PLG: variants seen among roughly 807,000 people sequenced by gnomAD.
PLG encodes plasminogen, also known as plasmin.
PLG carries 41 observed loss-of-function variants against 104.4 expected under a neutral mutation model. That is an observed-to-expected ratio of 0.39 (90% CI 0.31 to 0.51). The LOEUF (loss-of-function observed/expected upper bound fraction) is 0.51, where lower values mean the gene tolerates loss of function less well. PLG is among the 20% of genes least tolerant of loss of function. PLG has a pLI of 0.76. For synonymous variants in PLG, 337 were observed against 357.1 expected, an observed-to-expected ratio of 0.94 and a Z score of 0.63; for missense variants, 891 against 1,003.6, an observed-to-expected ratio of 0.89 and a Z score of 1.52.
chr6:160,722,633 G>A (rs1289812582), intron 10 of PLG, 66 bp downstream of exon 10: 4 of 1,447,864 alleles, frequency 2.8e-6, no homozygotes, highest in Admixed American at 1.7e-5. Context: ...AAAGAGCCAT[G>A]CTTCATGCTT....
Position 160,726,501 on chromosome 6 carries a change from G to A in PLG, c.1256+3934G>A, listed in dbSNP as rs1173166859. On this transcript the variant is annotated intron_variant, in intron 10 of 18. Transcript: ENST00000308192. This position sits in a 1 kb window ranked among gnomAD's most constrained non-coding sequence, Gnocchi z 4.4. ...ATGTAAAAATCAATGACTTAAGATGGCATTTCTCAAAGTATGCTCTGGAGA... is the reference window on the plus strand; with the variant it reads ...ATGTAAAAATCAATGACTTAAGATGACATTTCTCAAAGTATGCTCTGGAGA... Among the ~76,000 whole-genome samples, 1 of 151,842 alleles carries A rather than the reference G, an allele frequency of 6.6e-6. No individual in the cohort carries two copies. The highest frequency in any genetic ancestry group is 1.5e-5 in the Non-Finnish European group (1 of 67,856).
rs1223568648 is a variant in PLG, at chr6:160,722,442, C to T, written c.1131C>T (p.Cys377=). The T allele has an allele frequency of 2.5e-6, 4 of 1,612,624 alleles. No individual in the cohort carries two copies. Among genetic ancestry groups the T allele is most frequent in the Middle Eastern group, 1.7e-4 (1 of 6,060 alleles). The part of the protein sequence containing the change: ...PPELTPVVQD[C]YHGDGQSYRG... ...AGCTAACCCCTGTGGTCCAGGACTGCTACCATGGTGATGGACAGAGCTACC... is the reference window on the plus strand; with the variant it reads ...AGCTAACCCCTGTGGTCCAGGACTGTTACCATGGTGATGGACAGAGCTACC... Residue 377 remains cysteine, a synonymous_variant, in exon 10 of 19, where the codon TGC becomes TGT. Transcript: ENST00000308192.
In PLG at chr6:160,734,181, G is replaced by A. The variant is rs1408050502; in HGVS notation, c.1681+93G>A. ...GGCTTCTGAGCAGACTGCTTCTGGG[G>A]AGGAGATAGCTGCCCTCTCCATCAG... On this transcript the variant is annotated intron_variant, in intron 13 of 18. Coordinates refer to ENST00000308192, the MANE Select transcript of PLG (RefSeq NM_000301.5). This position sits in a 1 kb window ranked among gnomAD's most constrained non-coding sequence, Gnocchi z 4.4. The A allele has an allele frequency of 9.6e-6, 7 of 727,060 alleles. No individual in the cohort carries two copies. The highest frequency in any genetic ancestry group is 7.0e-5 in the African/African-American group (4 of 57,300). The allele number at this position is 727,060 out of a possible 1,614,324, so 45.0% of individuals were successfully genotyped here. A position where few individuals can be genotyped will look rare whatever the true frequency, so the allele number is the denominator to read the frequency against.
Position 160,736,995 on chromosome 6 carries a change from G to A in PLG, c.1790G>A (p.Ser597Asn). The A allele has an allele frequency of 6.2e-7, 1 of 1,613,462 alleles. No individual in the cohort carries two copies. The highest frequency in any genetic ancestry group is 1.1e-5 in the South Asian group (1 of 91,060). Residue 597 changes from serine to asparagine, a missense_variant, in exon 14 of 19, where the codon AGT (serine) becomes AAT (asparagine). Physicochemically the swap from Ser to Asn is conservative, Grantham distance 46. Transcript: ENST00000308192. The surrounding 1 kb of genome is among the most constrained non-coding windows in gnomAD (Gnocchi z 5.2). Reference protein sequence around the residue: ...AHPHSWPWQVSLRTRFGMHFC... With the variant: ...AHPHSWPWQVNLRTRFGMHFC... ...CCACATTCCTGGCCCTGGCAAGTCA[G>A]TCTTAGAACAAGGTAAGAACAGGCC...
Position 160,748,447 on chromosome 6 carries a change from G to A in PLG, c.2126-3668G>A, listed in dbSNP as rs1778332352. ...GAAAGAGAACGAAAGAAAGAAGGGA[G>A]GGAGGGAGGGAGGGAGGGAGGGAGG... is the stretch of plus-strand genomic sequence containing the variant. On this transcript the variant is annotated intron_variant, in intron 17 of 18. Coordinates refer to ENST00000308192, the MANE Select transcript of PLG (RefSeq NM_000301.5). Among the ~76,000 whole-genome samples, 33 of 36,036 alleles carry A rather than the reference G, an allele frequency of 9.2e-4. 10 individuals carry two copies. The East Asian group carries it at 0.027, about 29-fold the overall frequency. 23.6% of individuals were successfully genotyped at this position (36,036 alleles called of 152,430 possible).
intron 4 of PLG, chr6:160,711,873 G>T: frequency 7.2e-7 from 1 of 1,380,708 alleles, no homozygotes; most frequent in Admixed American, 3.4e-5. Flanking sequence ...TGAAAATGAA[G>T]ATACGTGAAA....
rs1778244911 is a variant in PLG, at chr6:160,744,321, C to T, written c.2125+2904C>T. On this transcript the variant is annotated intron_variant, in intron 17 of 18. Transcript: ENST00000308192. This position sits in a 1 kb window ranked among gnomAD's most constrained non-coding sequence, Gnocchi z 4.5. ...TTGTTGGTTAGTAGGCTATTTATTA[C>T]TGATTCAATTTTGGAGCTCATTATT... Among the ~76,000 whole-genome samples the T allele has an allele frequency of 6.6e-6, 1 of 152,088 alleles. No individual in the cohort carries two copies. Among genetic ancestry groups the T allele is most frequent in the Non-Finnish European group, 1.5e-5 (1 of 68,000 alleles).
At chr6:160,743,243 C>T (rs1346730802) in intron 17 of PLG, among the ~76,000 whole-genome samples, 1 of 152,140 alleles carries the variant, frequency 6.6e-6, no homozygotes, top group Non-Finnish European at 1.5e-5. Flanking sequence ...CTGTAAATTA[C>T]TTTGGGCAGT....
In PLG at chr6:160,752,557, C is replaced by T. The variant is rs1031548156; in HGVS notation, c.2271+297C>T. On this transcript the variant is annotated intron_variant, in intron 18 of 18. Transcript: ENST00000308192. The surrounding 1 kb of genome is among the most constrained non-coding windows in gnomAD (Gnocchi z 4.7). ...CCAGGGACTAAAGTGGTGACTTTTC[C>T]GGTAGGGAAGGAGGTAGAGGATACA... Among the ~76,000 whole-genome samples, 11 of 152,052 alleles carry T rather than the reference C, an allele frequency of 7.2e-5. No homozygotes were observed. The highest frequency in any genetic ancestry group is 1.7e-4 in the African/African-American group (7 of 41,390).
intron 4 of PLG, chr6:160,712,371 T>C (rs1278599507): frequency 1.3e-5 from 2 of 156,554 alleles, no homozygotes; most frequent in Admixed American, 6.2e-5. Context: ...CCATCCCCAA[T>C]AATTCAAGCT....
chr6:160,705,478 A>G (rs1198205978), intron 1 of PLG: 3 of 152,192 alleles, frequency 2.0e-5, no homozygotes, highest in Non-Finnish European at 4.4e-5. Context: ...ACCTGTCAAC[A>G]CCTTGGAAAA....
rs1778065103 is a variant in PLG, at chr6:160,735,076, T to C, written c.1681+988T>C. Reference sequence around the variant, plus strand: ...GGAGGAAGGAGGGGTTAGGATGGTATGAAAGATTCTACTTGGCCAATATTA... The same window carrying C: ...GGAGGAAGGAGGGGTTAGGATGGTACGAAAGATTCTACTTGGCCAATATTA... On this transcript the variant is annotated intron_variant, in intron 13 of 18. Transcript: ENST00000308192. This position sits in a 1 kb window ranked among gnomAD's most constrained non-coding sequence, Gnocchi z 5.4. Among the ~76,000 whole-genome samples the C allele has an allele frequency of 6.6e-6, 1 of 152,266 alleles. No individual in the cohort carries two copies. Among genetic ancestry groups the C allele is most frequent in the South Asian group, 2.1e-4 (1 of 4,820 alleles).
In PLG at chr6:160,744,206, G is replaced by GT. The variant is rs2115183739; in HGVS notation, c.2125+2796dup. Among the ~76,000 whole-genome samples, 1 of 152,184 alleles carries GT rather than the reference G, an allele frequency of 6.6e-6. No homozygotes were observed. Among genetic ancestry groups the GT allele is most frequent in the East Asian group, 1.9e-4 (1 of 5,188 alleles). Reference sequence around the variant, plus strand: ...ATTGGAGAGGAGACCCTCCTCCTCAGTTTTTTTGAACGGTTTCAGTAGGAA... The same window carrying GT: ...ATTGGAGAGGAGACCCTCCTCCTCAGTTTTTTTTGAACGGTTTCAGTAGGAA... On this transcript the variant is annotated intron_variant, in intron 17 of 18. Transcript: ENST00000308192. The surrounding 1 kb of genome is among the most constrained non-coding windows in gnomAD (Gnocchi z 4.5).
intron 17 of PLG, among the ~76,000 whole-genome samples, chr6:160,746,367 G>C (rs911750495): frequency 7.9e-5 from 12 of 152,002 alleles, no homozygotes; most frequent in African/African-American, 2.9e-4. Context: ...TCTTATTTCA[G>C]AAAGCCAGTC....
chr6:160,731,338 GT>G lies in PLG; in HGVS notation c.1438+111del. On this transcript the variant is annotated intron_variant, in intron 11 of 18. Coordinates refer to ENST00000308192, the MANE Select transcript of PLG (RefSeq NM_000301.5). This position sits in a 1 kb window ranked among gnomAD's most constrained non-coding sequence, Gnocchi z 5.1. ...TTCCATGCTACACGAGAAATCAAGT[GT>G]TTTTAGAGGGTCTGCCATGTGGAAG... is the stretch of plus-strand genomic sequence containing the variant. 3.9e-6 allele frequency: 4 copies of G among 1,034,324 alleles called. No individual in the cohort carries two copies. Among genetic ancestry groups the G allele is most frequent in the Non-Finnish European group, 6.0e-6 (4 of 671,090 alleles). 64.1% of individuals were successfully genotyped at this position (1,034,324 alleles called of 1,614,324 possible).
intron 1 of PLG, chr6:160,706,134 A>C: frequency 2.1e-6 from 1 of 487,424 alleles, no homozygotes. Flanking sequence ...CTAAATACCT[A>C]CTAAATAGGT....
At position 160,744,510 on chromosome 6, in the gene PLG, C is replaced by T. The variant is rs989847679; in HGVS notation, c.2125+3093C>T. 2.0e-5 allele frequency among the ~76,000 whole-genome samples: 3 copies of T among 152,072 alleles called. No individual in the cohort carries two copies. Among genetic ancestry groups the T allele is most frequent in the African/African-American group, 7.2e-5 (3 of 41,418 alleles). ...TTTGTGGCATCAGTGCTAACATCCC[C>T]TTTGTCATTTCTAATTGTGTTTATT... is the stretch of plus-strand genomic sequence containing the variant. On this transcript the variant is annotated intron_variant, in intron 17 of 18. Transcript: ENST00000308192. The surrounding 1 kb of genome is among the most constrained non-coding windows in gnomAD (Gnocchi z 4.5).
intron 9 of PLG, among the ~76,000 whole-genome samples, chr6:160,720,573 C>T (rs1777814398): frequency 6.6e-6 from 1 of 151,820 alleles, no homozygotes; most frequent in African/African-American, 2.4e-5. Context: ...GCATGTGCCA[C>T]CAGGCCCAGC....
rs1777996153 is a variant in PLG, at chr6:160,731,306, A to G, written c.1438+74A>G. ...AAGCCATGGAAAATCTCACTGATGC[A>G]GAAACCTTCCATGCTACACGAGAAA... On this transcript the variant is annotated intron_variant, in intron 11 of 18. Transcript: ENST00000308192. This position sits in a 1 kb window ranked among gnomAD's most constrained non-coding sequence, Gnocchi z 5.1. 1 of 1,293,880 alleles carries G rather than the reference A, an allele frequency of 7.7e-7. No homozygotes were observed. Among genetic ancestry groups the G allele is most frequent in the African/African-American group, 1.5e-5 (1 of 68,904 alleles). 80.1% of individuals were successfully genotyped at this position (1,293,880 alleles called of 1,614,324 possible).
Sources: gnomAD v4.1 joint callset for allele counts (sites outside exome capture counted in the v4.1 genomes callset) on GRCh38, gnomAD v4.1.1 for gene constraint, Gnocchi (gnomAD v3.1) non-coding constraint, MANE v1.5 for transcripts, NCBI Gene and HGNC (gene_info 2026-07-23, HGNC 2026-07-21) for gene names.